The following NCOA7 variants were observed in gnomAD, a reference collection of about 807,000 sequenced individuals.
NCOA7 encodes nuclear receptor coactivator 7.
Under a neutral mutation model 104.3 loss-of-function variants are expected in NCOA7, and 45 were observed. The ratio of observed to expected loss-of-function variants is 0.43; its 90% CI spans 0.34 to 0.55. NCOA7 has a LOEUF of 0.55. Among genes scored for constraint, NCOA7 ranks in the 20% least tolerant of loss-of-function variants. NCOA7 has a pLI of 0.02. For missense variants in NCOA7, 1,041 were observed against 1,119.7 expected, an observed-to-expected ratio of 0.93 and a Z score of 1.00; for synonymous variants, 398 against 402.3, an observed-to-expected ratio of 0.99 and a Z score of 0.13.
chr6:125,858,695 G>A (rs938596284), intron 3 of NCOA7, among the ~76,000 whole-genome samples: 2 of 151,832 alleles, frequency 1.3e-5, no homozygotes, highest in Non-Finnish European at 2.9e-5. Flanking sequence ...GATAGCAACC[G>A]GTTTGGAGGT....
intron 2 of NCOA7, among the ~76,000 whole-genome samples, chr6:125,849,000 G>A (rs1215605808): frequency 6.6e-6 from 1 of 152,104 alleles, no homozygotes; most frequent in East Asian, 1.9e-4. Context: ...TTAAGAAGCA[G>A]CATATCTCAG....
intron 11 of NCOA7, among the ~76,000 whole-genome samples, chr6:125,920,501 T>G (rs1412049780): frequency 6.6e-6 from 1 of 152,252 alleles, no homozygotes; most frequent in Non-Finnish European, 1.5e-5. Context: ...TGGTGTTATA[T>G]ACTATTCTCA....
At chr6:125,806,944 AG>A (rs1404071774) in intron 1 of NCOA7, among the ~76,000 whole-genome samples, 1 of 152,140 alleles carries the variant, frequency 6.6e-6, no homozygotes, top group Non-Finnish European at 1.5e-5. Flanking sequence ...TATTTAGGTG[AG>A]GTGTTGAATT....
At chr6:125,905,905 A>G (rs1488523394) in intron 10 of NCOA7, among the ~76,000 whole-genome samples, 1 of 152,076 alleles carries the variant, frequency 6.6e-6, no homozygotes, top group African/African-American at 2.4e-5. Context: ...GGTTCAAGAA[A>G]TTCTTGTGCC....
intron 6 of NCOA7, 102 bp downstream of exon 6, chr6:125,881,305 C>A (rs1333380376): frequency 1.2e-6 from 1 of 864,158 alleles, no homozygotes; most frequent in Non-Finnish European, 1.9e-6. Flanking sequence ...TGAAATTCTC[C>A]CTAGATGGTT....
In NCOA7 at chr6:125,836,208, AAATT is replaced by A. The variant is rs145690630; in HGVS notation, c.51-18807_51-18804del. 8.3e-3 allele frequency among the ~76,000 whole-genome samples: 1,257 copies of A among 152,348 alleles called. 8 individuals carry two copies. Among genetic ancestry groups the A allele is most frequent in the Non-Finnish European group, 0.014 (943 of 68,040 alleles). ...ACTAAAACAGTATCTGAATATAGAA[AAATT>A]AATTTATGAATAAAGAGCACTTTAA... On this transcript the variant is annotated intron_variant, in intron 2 of 15. Coordinates refer to ENST00000392477, the MANE Select transcript of NCOA7 (RefSeq NM_181782.5).
At chr6:125,911,064 T>C (rs1017734092) in intron 10 of NCOA7, among the ~76,000 whole-genome samples, 1 of 152,194 alleles carries the variant, frequency 6.6e-6, no homozygotes, top group African/African-American at 2.4e-5. Flanking sequence ...CCATCATTAT[T>C]GTATGGAGGC....
At chr6:125,860,092 A>G (rs1781912090) in intron 3 of NCOA7, among the ~76,000 whole-genome samples, 1 of 152,204 alleles carries the variant, frequency 6.6e-6, no homozygotes, top group Non-Finnish European at 1.5e-5. Flanking sequence ...AACCTTCCAG[A>G]ATGAGTGAAC....
At chr6:125,829,854 T>G (rs9401850) in intron 2 of NCOA7, among the ~76,000 whole-genome samples, 45,311 of 152,088 alleles carry the variant, frequency 0.3, 8,248 homozygotes, top group East Asian at 0.49. Flanking sequence ...TTTTCTTTTC[T>G]AAGTGTCAGG....
At chr6:125,847,886 A>T (rs1198153166) in intron 2 of NCOA7, among the ~76,000 whole-genome samples, 1 of 152,250 alleles carries the variant, frequency 6.6e-6, no homozygotes, top group African/African-American at 2.4e-5. Context: ...AATGGGAGAA[A>T]AATTTTGCAA....
At chr6:125,874,325 C>CA (rs1161708659) in intron 3 of NCOA7, among the ~76,000 whole-genome samples, 1 of 151,938 alleles carries the variant, frequency 6.6e-6, no homozygotes, top group Admixed American at 6.6e-5. Flanking sequence ...ACTCTTGTCT[C>CA]AAAAAAAGCC....
upstream of NCOA7, chr6:125,790,768 CTG>C (rs2128541935): frequency 1.3e-5 from 2 of 152,536 alleles, no homozygotes; most frequent in South Asian, 4.1e-4. Context: ...GGCCCATGCC[CTG>C]ACGGGGGGCG....
At chr6:125,919,170 T>G (rs1787342803) in intron 11 of NCOA7, 1 of 1,433,008 alleles carries the variant, frequency 7.0e-7, no homozygotes, top group Admixed American at 2.1e-5. Flanking sequence ...AAATCCTAAT[T>G]TGGGTGTGTT....
At chr6:125,906,458 G>A (rs753572494) in intron 10 of NCOA7, among the ~76,000 whole-genome samples, 8 of 152,158 alleles carry the variant, frequency 5.3e-5, no homozygotes, top group Non-Finnish European at 1.2e-4. Context: ...TGCCTTTGTA[G>A]TGGACCCATT....
chr6:125,906,697 G>A (rs367894230), intron 10 of NCOA7, among the ~76,000 whole-genome samples: 27 of 152,198 alleles, frequency 1.8e-4, no homozygotes, highest in African/African-American at 5.1e-4. Context: ...GGGTCAGGGC[G>A]GGAGCATAGC....
chr6:125,868,209 C>A (rs2128632819), intron 3 of NCOA7, among the ~76,000 whole-genome samples: 1 of 152,184 alleles, frequency 6.6e-6, no homozygotes, highest in South Asian at 2.1e-4. Flanking sequence ...TGATCAGATT[C>A]TTTTTCTCTG....
At chr6:125,819,261 A>C in intron 2 of NCOA7, among the ~76,000 whole-genome samples, 1 of 152,252 alleles carries the variant, frequency 6.6e-6, no homozygotes, top group Non-Finnish European at 1.5e-5. Flanking sequence ...TAACATCAAA[A>C]TAGAGTTTAA....
intron 2 of NCOA7, among the ~76,000 whole-genome samples, chr6:125,829,435 C>A (rs1309437835): frequency 6.6e-6 from 1 of 151,804 alleles, no homozygotes; most frequent in East Asian, 1.9e-4. Flanking sequence ...GAGGACCAAT[C>A]ATTCATATCT....
chr6:125,809,323 C>T (rs1057106253), intron 1 of NCOA7, among the ~76,000 whole-genome samples: 3 of 152,046 alleles, frequency 2.0e-5, no homozygotes, highest in African/African-American at 7.2e-5. Flanking sequence ...GCTGGGACAC[C>T]AGGCATGTGC....
Sources: allele counts gnomAD v4.1 joint callset (sites outside exome capture counted in the v4.1 genomes callset), GRCh38; gene constraint gnomAD v4.1.1; transcripts MANE v1.5; gene names NCBI Gene and HGNC (gene_info 2026-07-23, HGNC 2026-07-21).